TPCN1: variants seen among roughly 807,000 people sequenced by gnomAD.
The protein encoded by TPCN1 is two pore segment channel 1.
A neutral mutation model predicts 108.8 loss-of-function variants in TPCN1; 52 were observed. The ratio of observed to expected loss-of-function variants is 0.48; its 90% CI spans 0.38 to 0.60. TPCN1 has a LOEUF of 0.60. TPCN1 is among the 20% of genes least tolerant of loss of function. The pLI, the probability that TPCN1 is intolerant of heterozygous loss-of-function variation, is 0.00. For synonymous variants in TPCN1, 446 were observed against 433.7 expected (o/e 1.03, Z -0.35); for missense variants, 806 against 1,072.8 (o/e 0.75, Z 3.47).
At chr12:113,261,895 A>T (rs1955052604) in intron 3 of TPCN1, among the ~76,000 whole-genome samples, 1 of 152,136 alleles carries the variant, frequency 6.6e-6, no homozygotes, top group Admixed American at 6.5e-5. Context: ...AAAGAAATGG[A>T]AATTCTAAGA....
intron 2 of TPCN1, among the ~76,000 whole-genome samples, chr12:113,236,414 C>T (rs567713686): frequency 1.3e-5 from 2 of 152,268 alleles, no homozygotes; most frequent in African/African-American, 4.8e-5. Flanking sequence ...GGACACCATG[C>T]AGCTCAGCCA....
In TPCN1 at chr12:113,272,579, A is replaced by G; in HGVS notation, c.749-79A>G. Reference sequence around the variant, plus strand: ...TGACCTGCTGCGTTCATTTGCATGTATTTGTCCAGTCCTTTTGACACCAGG... The same window carrying G: ...TGACCTGCTGCGTTCATTTGCATGTGTTTGTCCAGTCCTTTTGACACCAGG... On this transcript the variant is annotated intron_variant, in intron 7 of 27. Transcript: ENST00000335509. This position sits in a 1 kb window ranked among gnomAD's most constrained non-coding sequence, Gnocchi z 4.1. 7.6e-7 allele frequency: 1 copy of G among 1,316,314 alleles called. No homozygotes were observed. Among genetic ancestry groups the G allele is most frequent in the Non-Finnish European group, 1.1e-6 (1 of 908,798 alleles). 81.5% of individuals were successfully genotyped at this position (1,316,314 alleles called of 1,614,324 possible). A position where few individuals can be genotyped will look rare whatever the true frequency, so the allele number is the denominator to read the frequency against.
chr12:113,241,908 C>T (rs1954152058), intron 2 of TPCN1, among the ~76,000 whole-genome samples: 1 of 152,044 alleles, frequency 6.6e-6, no homozygotes, highest in African/African-American at 2.4e-5. Flanking sequence ...AGTGAGTGAG[C>T]AGTGGCAGGG....
intron 1 of TPCN1, among the ~76,000 whole-genome samples, chr12:113,224,007 T>C (rs1054799479): frequency 6.6e-6 from 1 of 152,256 alleles, no homozygotes; most frequent in African/African-American, 2.4e-5. Context: ...TTTGGAAGTA[T>C]GTTTCTAACT....
At chr12:113,286,425 C>T (rs552450051) in intron 18 of TPCN1, among the ~76,000 whole-genome samples, 1 of 152,274 alleles carries the variant, frequency 6.6e-6, no homozygotes, top group South Asian at 2.1e-4. Context: ...TCTTGGGCCG[C>T]GAGGGTGAGC....
chr12:113,293,471 A>C (rs1033119398), intron 27 of TPCN1, 122 bp downstream of exon 27: 4 of 952,750 alleles, frequency 4.2e-6, no homozygotes, highest in Non-Finnish European at 5.0e-6. Flanking sequence ...CAGACCGTCC[A>C]TCGGGACCAC....
chr12:113,260,935 G>A (rs965954216), intron 3 of TPCN1, among the ~76,000 whole-genome samples: 5 of 151,288 alleles, frequency 3.3e-5, no homozygotes, highest in Non-Finnish European at 7.4e-5. Flanking sequence ...GCTCATGCCT[G>A]TAATCCCAGC....
chr12:113,286,649 G>A (rs1956092623), intron 18 of TPCN1, among the ~76,000 whole-genome samples: 1 of 152,220 alleles, frequency 6.6e-6, no homozygotes, highest in South Asian at 2.1e-4. Context: ...GGAAGACGAG[G>A]CCTGTCTCCA....
At chr12:113,281,961 C>T (rs1426820612) in intron 15 of TPCN1, among the ~76,000 whole-genome samples, 1 of 148,068 alleles carries the variant, frequency 6.8e-6, no homozygotes, top group Non-Finnish European at 1.5e-5. Context: ...ATCTCTGTCA[C>T]CCAGGCTGTG....
chr12:113,268,408 C>G lies in TPCN1; in HGVS notation c.529-334C>G, dbSNP rs74866675. On this transcript the variant is annotated intron_variant, in intron 5 of 27. Transcript: ENST00000335509. This position sits in a 1 kb window ranked among gnomAD's most constrained non-coding sequence, Gnocchi z 7.3. ...CTCTAGGAGAATATAGCCAAGTAAG[C>G]AGAGCTGAAGAGGAGCTGCAGGCCC... Among the ~76,000 whole-genome samples, 1 of 152,298 alleles carries G rather than the reference C, an allele frequency of 6.6e-6. No individual in the cohort carries two copies. The highest frequency in any genetic ancestry group is 1.5e-5 in the Non-Finnish European group (1 of 68,032).
chr12:113,279,844 A>C (rs61943634), intron 14 of TPCN1, among the ~76,000 whole-genome samples: 7,542 of 152,264 alleles, frequency 0.05, 266 homozygotes, highest in Middle Eastern at 0.068. Flanking sequence ...CCTTAATTTC[A>C]TGCCAGTTTC....
chr12:113,240,808 A>G (rs1954085586), intron 2 of TPCN1, among the ~76,000 whole-genome samples: 1 of 148,838 alleles, frequency 6.7e-6, no homozygotes, highest in African/African-American at 2.5e-5. Flanking sequence ...GTGCAGAGGC[A>G]CAATTTCGGC....
chr12:113,223,488 A>G (rs1439798810), intron 1 of TPCN1, among the ~76,000 whole-genome samples: 1 of 149,328 alleles, frequency 6.7e-6, no homozygotes, highest in Non-Finnish European at 1.5e-5. Context: ...GTGCATAAAT[A>G]GGAGCTGTAA....
chr12:113,288,938 T>C lies in TPCN1; in HGVS notation c.1796+91T>C. The C allele has an allele frequency of 1.5e-6, 2 of 1,296,482 alleles. No individual in the cohort carries two copies. The highest frequency in any genetic ancestry group is 1.9e-4 in the Middle Eastern group (1 of 5,244). The allele number at this position is 1,296,482 out of a possible 1,614,324, so 80.3% of individuals were successfully genotyped here. A position where few individuals can be genotyped will look rare whatever the true frequency, so the allele number is the denominator to read the frequency against. On this transcript the variant is annotated intron_variant, in intron 21 of 27. Coordinates refer to ENST00000335509, the MANE Select transcript of TPCN1 (RefSeq NM_017901.6). This position sits in a 1 kb window ranked among gnomAD's most constrained non-coding sequence, Gnocchi z 4.8. ...GATTGGTGTCCTTGTGGCCTTGGGG[T>C]CCTCGGGGATGTTCCTGTCTAAGCA...
chr12:113,289,015 G>A lies in TPCN1; in HGVS notation c.1796+168G>A, dbSNP rs1179340858. Among the ~76,000 whole-genome samples the A allele has an allele frequency of 2.0e-5, 3 of 152,190 alleles. No individual in the cohort carries two copies. Among genetic ancestry groups the A allele is most frequent in the Non-Finnish European group, 4.4e-5 (3 of 68,036 alleles). On this transcript the variant is annotated intron_variant, in intron 21 of 27. Coordinates refer to ENST00000335509, the MANE Select transcript of TPCN1 (RefSeq NM_017901.6). This position sits in a 1 kb window ranked among gnomAD's most constrained non-coding sequence, Gnocchi z 4.1. Reference sequence around the variant, plus strand: ...AGTTGAGTGCAGTGAGCTAAATGAGGGGCCTGGACTCGGGGTCCCTGTTTC... The same window carrying A: ...AGTTGAGTGCAGTGAGCTAAATGAGAGGCCTGGACTCGGGGTCCCTGTTTC...
At position 113,291,873 on chromosome 12, in the gene TPCN1, G is replaced by A; in HGVS notation, c.2029-1G>A. Reference sequence around the variant, plus strand: ...GCCCCTCCCTCCCTATCCCTGGCCAGGTGGTGATGACGATCATTGTCGCCT... The same window carrying A: ...GCCCCTCCCTCCCTATCCCTGGCCAAGTGGTGATGACGATCATTGTCGCCT... On this transcript the variant is annotated splice_acceptor_variant, in intron 24 of 27. Coordinates refer to ENST00000335509, the MANE Select transcript of TPCN1 (RefSeq NM_017901.6). LOFTEE classifies it high-confidence loss of function. The A allele has an allele frequency of 6.4e-7, 1 of 1,557,402 alleles. No homozygotes were observed. The highest frequency in any genetic ancestry group is 2.4e-5 in the East Asian group (1 of 41,048).
At chr12:113,270,244 C>T (rs1274147739) in intron 7 of TPCN1, among the ~76,000 whole-genome samples, 3 of 151,980 alleles carry the variant, frequency 2.0e-5, no homozygotes, top group Non-Finnish European at 4.4e-5. Context: ...TTAGACAGTG[C>T]CTTAGTCCTT....
At chr12:113,243,257 C>T (rs991358191) in intron 2 of TPCN1, among the ~76,000 whole-genome samples, 1 of 152,052 alleles carries the variant, frequency 6.6e-6, no homozygotes, top group Non-Finnish European at 1.5e-5. Context: ...GTATTCCCAG[C>T]TATTTGGGAG....
In TPCN1 at chr12:113,290,236, C is replaced by T; in HGVS notation, c.1905C>T (p.Asn635=). 6.3e-7 allele frequency: 1 copy of T among 1,593,456 alleles called. No individual in the cohort carries two copies. The highest frequency in any genetic ancestry group is 8.6e-7 in the Non-Finnish European group (1 of 1,167,622). The change falls in exon 22 of 28, where the codon AAC becomes AAT. Residue 635 remains asparagine (N), a synonymous_variant. Transcript: ENST00000335509. ...YYLNNFDNIL[N]SFVTLFELTV... is the part of the protein sequence containing the mutation. ...TCAATAATTTTGACAACATCCTCAA[C>T]AGCTTTGGTGAGTGGGAAAAATCAC... is the stretch of plus-strand genomic sequence containing the variant.
Sources: gnomAD v4.1 joint callset for allele counts (sites outside exome capture counted in the v4.1 genomes callset) on GRCh38, gnomAD v4.1.1 for gene constraint, Gnocchi (gnomAD v3.1) non-coding constraint, MANE v1.5 for transcripts, NCBI Gene and HGNC (gene_info 2026-07-23, HGNC 2026-07-21) for gene names.